Variants in ARHGAP26 observed in about 807,000 individuals in gnomAD.
The protein encoded by ARHGAP26 is rho GTPase-activating protein 26.
A neutral mutation model predicts 104.8 loss-of-function variants in ARHGAP26; 38 were observed. That is an observed-to-expected ratio of 0.36 (90% confidence interval 0.28 to 0.48). ARHGAP26 has a LOEUF of 0.48. ARHGAP26 is among the 20% of genes least tolerant of loss of function. The pLI is 0.99. For synonymous variants in ARHGAP26, 341 were observed against 340.0 expected, an observed-to-expected ratio of 1.00 and a Z score of -0.03; for missense variants, 704 against 947.9, an observed-to-expected ratio of 0.74 and a Z score of 3.38.
chr5:143,020,516 A>G (rs558814318), intron 12 of ARHGAP26, among the ~76,000 whole-genome samples: 1 of 151,326 alleles, frequency 6.6e-6, no homozygotes, highest in East Asian at 1.9e-4. Flanking sequence ...AAAAATGGAA[A>G]TTTCCTCCCT....
intron 17 of ARHGAP26, among the ~76,000 whole-genome samples, chr5:143,079,728 G>A (rs919946248): frequency 6.6e-6 from 1 of 152,184 alleles, no homozygotes; most frequent in Non-Finnish European, 1.5e-5. Context: ...TTTACCTGTG[G>A]ACTCGTTTCC....
chr5:142,894,205 T>G (rs1268836694), intron 5 of ARHGAP26, 33 bp from the exon 6 acceptor site: 1 of 1,595,478 alleles, frequency 6.3e-7, no homozygotes, highest in Non-Finnish European at 8.6e-7. Context: ...GGTAGTGACT[T>G]GATTTTTCTC....
rs775156921 is a variant in ARHGAP26, at chr5:142,885,256, A to G, written c.385-42A>G. 1.0e-5 allele frequency: 16 copies of G among 1,547,614 alleles called. No homozygotes were observed. In the Admixed American group the frequency reaches 2.0e-4, roughly 20 times the overall value. On this transcript the variant is annotated intron_variant, in intron 4 of 22. Coordinates refer to ENST00000645722, the MANE Select transcript of ARHGAP26 (RefSeq NM_001135608.3). ...GATGGAGGCTGCTTTTATTCCTGCA[A>G]CGTGTTACTCTTTTTCTTTTTCTCT...
chr5:143,058,535 G>A (rs1786204458), intron 17 of ARHGAP26, among the ~76,000 whole-genome samples: 5 of 152,220 alleles, frequency 3.3e-5, no homozygotes, highest in Non-Finnish European at 7.3e-5. Context: ...TTGATGGTAT[G>A]TTCTTGATTG....
intron 6 of ARHGAP26, among the ~76,000 whole-genome samples, chr5:142,897,731 T>C (rs1297728070): frequency 1.3e-5 from 2 of 152,250 alleles, no homozygotes; most frequent in African/African-American, 4.8e-5. Context: ...AGTCAAACCT[T>C]ATAACATCTC....
At chr5:142,928,223 G>A (rs1184312352) in intron 10 of ARHGAP26, among the ~76,000 whole-genome samples, 2 of 136,692 alleles carry the variant, frequency 1.5e-5, no homozygotes, top group African/African-American at 2.9e-5. Context: ...GACTTTTTGT[G>A]TGTGTGTGTT....
intron 17 of ARHGAP26, among the ~76,000 whole-genome samples, chr5:143,108,431 A>G (rs549705761): frequency 2.0e-5 from 3 of 152,238 alleles, no homozygotes; most frequent in African/African-American, 7.2e-5. Flanking sequence ...TGGACACCAT[A>G]CATTACTGTT....
At chr5:142,965,075 G>A (rs1388872874) in intron 11 of ARHGAP26, among the ~76,000 whole-genome samples, 3 of 152,240 alleles carry the variant, frequency 2.0e-5, no homozygotes, top group East Asian at 3.8e-4. Context: ...CAGAGAGGGA[G>A]AGGAGACAGA....
chr5:143,133,812 G>T (rs1797626699), intron 18 of ARHGAP26, among the ~76,000 whole-genome samples, 155 bp from the exon 19 acceptor site: 1 of 152,218 alleles, frequency 6.6e-6, no homozygotes, highest in Non-Finnish European at 1.5e-5. Context: ...TCCTAGAAAA[G>T]TTTAAAATGA....
intron 1 of ARHGAP26, among the ~76,000 whole-genome samples, chr5:142,823,942 T>C (rs148356479): frequency 6.6e-6 from 1 of 152,348 alleles, no homozygotes; most frequent in Non-Finnish European, 1.5e-5. Context: ...TGAAAAGATC[T>C]TTTCTTTCAG....
At chr5:142,964,121 A>G (rs1244759614) in intron 11 of ARHGAP26, among the ~76,000 whole-genome samples, 1 of 152,198 alleles carries the variant, frequency 6.6e-6, no homozygotes, top group Non-Finnish European at 1.5e-5. Flanking sequence ...CTGTTTCTAT[A>G]TAGGATACCT....
At chr5:143,213,140 G>A (rs529824096) in intron 21 of ARHGAP26, among the ~76,000 whole-genome samples, 25 of 152,278 alleles carry the variant, frequency 1.6e-4, no homozygotes, top group Middle Eastern at 3.4e-3. Context: ...GCAAGACTCC[G>A]TCTAAACAAA....
At chr5:143,107,489 C>T (rs1014608386) in intron 17 of ARHGAP26, among the ~76,000 whole-genome samples, 9 of 152,232 alleles carry the variant, frequency 5.9e-5, no homozygotes, top group African/African-American at 2.2e-4. Flanking sequence ...CTGCCATCAG[C>T]TTGGCCTTCT....
intron 1 of ARHGAP26, among the ~76,000 whole-genome samples, chr5:142,813,722 G>T (rs1260066506): frequency 6.6e-6 from 1 of 152,058 alleles, no homozygotes; most frequent in Non-Finnish European, 1.5e-5. Flanking sequence ...ATTGTATTAG[G>T]GCCTGCCCTA....
At chr5:143,179,450 T>C (rs1206785752) in intron 20 of ARHGAP26, among the ~76,000 whole-genome samples, 3 of 152,210 alleles carry the variant, frequency 2.0e-5, no homozygotes, top group African/African-American at 7.2e-5. Context: ...GTGACTGACT[T>C]TCTGCTCTGC....
chr5:142,993,908 T>C (rs928380819), intron 11 of ARHGAP26, among the ~76,000 whole-genome samples: 15 of 151,876 alleles, frequency 9.9e-5, no homozygotes, highest in Non-Finnish European at 2.2e-4. Context: ...TGGGCGCATG[T>C]GATCCTCCCA....
intron 18 of ARHGAP26, among the ~76,000 whole-genome samples, chr5:143,130,628 A>C (rs989635118): frequency 6.6e-6 from 1 of 152,216 alleles, no homozygotes; most frequent in Non-Finnish European, 1.5e-5. Context: ...CCCTTCCAAA[A>C]TGAAATAGGA....
intron 1 of ARHGAP26, among the ~76,000 whole-genome samples, chr5:142,807,774 C>A (rs1763260663): frequency 6.6e-6 from 1 of 152,182 alleles, no homozygotes; most frequent in Admixed American, 6.5e-5. Context: ...TTGTGCTGAG[C>A]TGCGTGCTGC....
At chr5:143,080,628 G>A (rs1375346008) in intron 17 of ARHGAP26, among the ~76,000 whole-genome samples, 1 of 152,188 alleles carries the variant, frequency 6.6e-6, no homozygotes, top group South Asian at 2.1e-4. Flanking sequence ...GCGTGGTCAC[G>A]GAACAGTAAG....
Sources: allele counts gnomAD v4.1 joint callset (sites outside exome capture counted in the v4.1 genomes callset), GRCh38; gene constraint gnomAD v4.1.1; transcripts MANE v1.5; gene names NCBI Gene and HGNC (gene_info 2026-07-23, HGNC 2026-07-21).